The following CFAP100 variants were observed in gnomAD, a reference collection of about 807,000 sequenced individuals.
CFAP100 encodes the protein cilia and flagella associated protein 100.
Under a neutral mutation model 81.5 loss-of-function variants are expected in CFAP100, and 70 were observed. The observed-to-expected ratio is 0.86, with a 90% CI of 0.71 to 1.05. The LOEUF (loss-of-function observed/expected upper bound fraction) is 1.05, where lower values mean the gene tolerates loss of function less well. Ranked by LOEUF, CFAP100 falls within the 50% of genes least tolerant of loss-of-function variation. CFAP100 has a pLI of 0.00. For missense variants in CFAP100, 811 were observed against 776.5 expected, an observed-to-expected ratio of 1.04 and a Z score of -0.53; for synonymous variants, 341 against 314.8, an observed-to-expected ratio of 1.08 and a Z score of -0.88.
At chr3:126,424,192 G>A (rs1165168241) in intron 13 of CFAP100, among the ~76,000 whole-genome samples, 1 of 152,250 alleles carries the variant, frequency 6.6e-6, no homozygotes, top group Non-Finnish European at 1.5e-5. Context: ...GGGGACGGGA[G>A]TGGGTGCAGC....
rs546069116 is a variant in CFAP100, at chr3:126,418,630, G to A, written c.506G>A (p.Arg169Gln). 691 of 1,601,358 alleles carry A rather than the reference G, an allele frequency of 4.3e-4. 8 individuals carry two copies. In the South Asian group the frequency reaches 6.7e-3, roughly 16 times the overall value. The change falls in exon 7 of 17, where the codon CGG becomes CAG. Residue 169 changes from arginine (R) to glutamine (Q), a missense_variant. Transcript: ENST00000352312. The stretch of plus-strand genomic sequence containing the variant: ...CCCCAGTATGCCCTGGATGTCAAGC[G>A]GAGAGAGATCCAGCGGCTGGAGACG... ...FLLQYALDVK[R>Q]REIQRLETLA...
intron 13 of CFAP100, among the ~76,000 whole-genome samples, chr3:126,426,654 G>A (rs1331997259): frequency 6.6e-6 from 1 of 152,186 alleles, no homozygotes; most frequent in Non-Finnish European, 1.5e-5. Flanking sequence ...GGAGGCTGAG[G>A]CAGGGGAATC....
chr3:126,423,448 T>A, intron 12 of CFAP100, 45 bp from the exon 13 acceptor site: 1 of 1,609,088 alleles, frequency 6.2e-7, no homozygotes, highest in Non-Finnish European at 8.5e-7. Flanking sequence ...CCTGCCCCTC[T>A]GGCTCTGTCC....
chr3:126,407,300 T>A lies in CFAP100; in HGVS notation c.130+48T>A, dbSNP rs1445940523. On this transcript the variant is annotated intron_variant, in intron 3 of 16. Transcript: ENST00000352312. ...AAAGTCCAAGTTGGCAGGAGGCAAC[T>A]CCTCTCCCTCTGCCCCCAGATCCCC... 9 of 1,271,464 alleles carry A rather than the reference T, an allele frequency of 7.1e-6. No individual in the cohort carries two copies. The South Asian group carries it at 1.1e-4, about 16-fold the overall frequency. The allele number at this position is 1,271,464 out of a possible 1,614,324, so 78.8% of individuals were successfully genotyped here. A position where few individuals can be genotyped will look rare whatever the true frequency, so the allele number is the denominator to read the frequency against.
chr3:126,418,804 G>A (rs1455146066), intron 7 of CFAP100, 30 bp downstream of exon 7: 2 of 1,546,334 alleles, frequency 1.3e-6, no homozygotes, highest in South Asian at 2.4e-5. Flanking sequence ...GGGCTGGCTG[G>A]GCAATGCCGA....
At chr3:126,418,015 ACTCAGCCTC>A in intron 5 of CFAP100, 1 of 181,136 alleles carries the variant, frequency 5.5e-6, no homozygotes, top group Non-Finnish European at 1.1e-5. Context: ...GGCAGTGTAG[ACTCAGCCTC>A]TGCCCAGTTT....
intron 4 of CFAP100, among the ~76,000 whole-genome samples, chr3:126,414,633 G>A (rs765818224): frequency 3.0e-4 from 45 of 152,136 alleles, no homozygotes; most frequent in Non-Finnish European, 4.6e-4. Context: ...ACACACAGCC[G>A]CCCACGGCAC....
At chr3:126,395,873 C>T in intron 1 of CFAP100, 69 bp from the exon 2 acceptor site, 1 of 768,970 alleles carries the variant, frequency 1.3e-6, no homozygotes, top group Non-Finnish European at 2.2e-6. Context: ...CGGTGGCTGT[C>T]AGCCACCCAG....
chr3:126,434,417 C>T (rs1224912575), intron 15 of CFAP100, 36 bp downstream of exon 15: 1 of 1,588,814 alleles, frequency 6.3e-7, no homozygotes, highest in Non-Finnish European at 8.6e-7. Flanking sequence ...CTGCTGTGTC[C>T]TGGCTGGCCC....
At position 126,434,206 on chromosome 3, in the gene CFAP100, G is replaced by A. The variant is rs1258899040; in HGVS notation, c.1453G>A (p.Val485Met). ...DKLLESLNCK[V>M]LDVYRHCTGT... ...GCTGCTAGAGAGCCTGAACTGCAAGGTGCTGGATGTGTACCGGCACTGCAC... is the reference window on the plus strand; with the variant it reads ...GCTGCTAGAGAGCCTGAACTGCAAGATGCTGGATGTGTACCGGCACTGCAC... Residue 485 changes from valine to methionine, a missense_variant, in exon 15 of 17, where the codon GTG becomes ATG. By Grantham distance (21) the Val-to-Met change is conservative (BLOSUM62 1). Coordinates refer to ENST00000352312, the MANE Select transcript of CFAP100 (RefSeq NM_182628.3). The A allele has an allele frequency of 6.2e-7, 1 of 1,613,544 alleles. No individual in the cohort carries two copies. Among genetic ancestry groups the A allele is most frequent in the African/African-American group, 1.3e-5 (1 of 74,930 alleles).
chr3:126,405,685 A>AATAG (rs1309832212), intron 2 of CFAP100, among the ~76,000 whole-genome samples: 1 of 152,122 alleles, frequency 6.6e-6, no homozygotes, highest in African/African-American at 2.4e-5. Context: ...TAAATAAATA[A>AATAG]AATGTATATA....
chr3:126,418,276 G>A, intron 5 of CFAP100, 182 bp from the exon 6 acceptor site: 1 of 607,024 alleles, frequency 1.6e-6, no homozygotes, highest in East Asian at 2.8e-5. Flanking sequence ...ATTTCAGGCA[G>A]AGCCTTCTCT....
intron 5 of CFAP100, chr3:126,418,248 G>A: frequency 1.7e-6 from 1 of 585,046 alleles, no homozygotes. Context: ...GCCGGACTCT[G>A]GCCATGGAGA....
At chr3:126,414,006 AGGCAGTGG>A in intron 3 of CFAP100, 71 bp from the exon 4 acceptor site, 1 of 905,866 alleles carries the variant, frequency 1.1e-6, no homozygotes, top group Non-Finnish European at 1.9e-6. Context: ...TGGGCTGGGA[AGGCAGTGG>A]GGCCCCAGAG....
intron 15 of CFAP100, 49 bp from the exon 16 acceptor site, chr3:126,435,510 A>G: frequency 6.5e-7 from 1 of 1,532,766 alleles, no homozygotes; most frequent in South Asian, 1.2e-5. Flanking sequence ...GAGATTACAC[A>G]ACACCTTCCA....
At chr3:126,403,657 A>T (rs1446570232) in intron 2 of CFAP100, among the ~76,000 whole-genome samples, 20 of 152,092 alleles carry the variant, frequency 1.3e-4, no homozygotes, top group Admixed American at 1.3e-3. Flanking sequence ...TGCTGGGATT[A>T]CAGGCGTAAA....
intron 5 of CFAP100, 88 bp downstream of exon 5, chr3:126,416,596 C>A: frequency 8.9e-7 from 1 of 1,123,468 alleles, no homozygotes. Context: ...CCGTGCCACT[C>A]ATCTTGCACA....
At chr3:126,403,438 G>A (rs910282756) in intron 2 of CFAP100, among the ~76,000 whole-genome samples, 1 of 142,474 alleles carries the variant, frequency 7.0e-6, no homozygotes, top group Non-Finnish European at 1.5e-5. Flanking sequence ...AGGCTGGAAT[G>A]CAGTGGTGCA....
chr3:126,425,576 A>G (rs1032065791), intron 13 of CFAP100, among the ~76,000 whole-genome samples: 1 of 152,226 alleles, frequency 6.6e-6, no homozygotes, highest in African/African-American at 2.4e-5. Flanking sequence ...CTATGAAGCC[A>G]GTATGACCCT....
Sources: allele counts gnomAD v4.1 joint callset (sites outside exome capture counted in the v4.1 genomes callset), GRCh38; gene constraint gnomAD v4.1.1; transcripts MANE v1.5; gene names NCBI Gene and HGNC (gene_info 2026-07-23, HGNC 2026-07-21).